PRKG1: variants seen among roughly 807,000 people sequenced by gnomAD.
PRKG1 encodes cGMP-dependent protein kinase 1.
PRKG1 carries 35 observed loss-of-function variants against 88.1 expected under a neutral mutation model. That is an observed-to-expected ratio of 0.40 (90% CI 0.30 to 0.53). The LOEUF (loss-of-function observed/expected upper bound fraction) is 0.53, where lower values mean the gene tolerates loss of function less well. PRKG1 is among the 20% of genes least tolerant of loss of function. PRKG1 has a pLI of 0.59. For synonymous variants in PRKG1, 303 were observed against 292.5 expected, an observed-to-expected ratio of 1.04 and a Z score of -0.37; for missense variants, 540 against 839.8, an observed-to-expected ratio of 0.64 and a Z score of 4.41.
chr10:51,038,316 T>C (rs1335988195), intron 1 of PRKG1, among the ~76,000 whole-genome samples: 1 of 152,252 alleles, frequency 6.6e-6, no homozygotes, highest in Non-Finnish European at 1.5e-5. Flanking sequence ...ATCCTTTATT[T>C]GTGTTACAAA....
At chr10:51,666,325 T>A (rs1283737744) in intron 3 of PRKG1, among the ~76,000 whole-genome samples, 1 of 152,198 alleles carries the variant, frequency 6.6e-6, no homozygotes, top group Non-Finnish European at 1.5e-5. Flanking sequence ...CCTTGATGGT[T>A]TTTGACACAT....
intron 4 of PRKG1, among the ~76,000 whole-genome samples, chr10:51,838,858 T>C (rs1840195977): frequency 6.6e-6 from 1 of 152,178 alleles, no homozygotes; most frequent in Admixed American, 6.5e-5. Context: ...GCAAATAAAT[T>C]TGTTAAGTGC....
At chr10:52,102,163 TGCC>T (rs1847308296) in intron 7 of PRKG1, among the ~76,000 whole-genome samples, 1 of 152,156 alleles carries the variant, frequency 6.6e-6, no homozygotes, top group Non-Finnish European at 1.5e-5. Context: ...AATAAACAAC[TGCC>T]TTTTTACAGT....
intron 3 of PRKG1, among the ~76,000 whole-genome samples, chr10:51,739,885 A>G (rs1323859291): frequency 6.6e-6 from 1 of 152,176 alleles, no homozygotes; most frequent in Non-Finnish European, 1.5e-5. Context: ...AGGTGGAAGG[A>G]TCACTTTATA....
At chr10:51,873,822 C>T (rs184707148) in intron 4 of PRKG1, among the ~76,000 whole-genome samples, 5 of 152,290 alleles carry the variant, frequency 3.3e-5, no homozygotes, top group Admixed American at 3.3e-4. Flanking sequence ...AGCCACCATG[C>T]CCGGCCAAGA....
Position 52,062,367 on chromosome 10 carries a change from T to C in PRKG1, c.841-170T>C, listed in dbSNP as rs188663701. 3.9e-4 allele frequency among the ~76,000 whole-genome samples: 59 copies of C among 152,330 alleles called. 1 individual carries two copies. The East Asian group carries it at 0.011, about 27-fold the overall frequency. On this transcript the variant is annotated intron_variant, in intron 6 of 17. Coordinates refer to ENST00000373980, the MANE Select transcript of PRKG1 (RefSeq NM_006258.4). ...ATTTGGAGGTAAGCTCTTGTGGTTT[T>C]CCTGGGAATTTGTGATGTTGTTCTT...
intron 3 of PRKG1, among the ~76,000 whole-genome samples, chr10:51,742,179 A>T (rs1362234540): frequency 2.0e-5 from 3 of 152,216 alleles, no homozygotes; most frequent in Non-Finnish European, 4.4e-5. Flanking sequence ...GTTAACTGGA[A>T]CTCAGAAGGT....
intron 3 of PRKG1, among the ~76,000 whole-genome samples, chr10:51,505,230 CA>C (rs1314088976): frequency 6.6e-6 from 1 of 152,112 alleles, no homozygotes; most frequent in Admixed American, 6.6e-5. Context: ...TTGAGATAAT[CA>C]TGTGGTTTTG....
intron 3 of PRKG1, among the ~76,000 whole-genome samples, chr10:51,736,669 C>T (rs531218714): frequency 6.7e-5 from 10 of 149,366 alleles, no homozygotes; most frequent in South Asian, 2.1e-4. Flanking sequence ...AGTGCAGTGG[C>T]GCCTTCATAG....
intron 7 of PRKG1, among the ~76,000 whole-genome samples, chr10:52,130,097 G>A (rs1430758695): frequency 4.6e-5 from 7 of 152,090 alleles, no homozygotes; most frequent in Admixed American, 6.6e-5. Flanking sequence ...TGTTGTTCCC[G>A]ACATGTACTA....
chr10:51,421,490 T>C (rs563051078), intron 2 of PRKG1, among the ~76,000 whole-genome samples: 1 of 152,236 alleles, frequency 6.6e-6, no homozygotes, highest in South Asian at 2.1e-4. Context: ...CGATACCTTT[T>C]AGATAGGTCA....
chr10:51,372,279 T>C (rs2132610636), intron 2 of PRKG1, among the ~76,000 whole-genome samples: 1 of 152,352 alleles, frequency 6.6e-6, no homozygotes, highest in Non-Finnish European at 1.5e-5. Context: ...CATTTTTGTG[T>C]GTATTGAGCT....
At chr10:51,432,079 A>T (rs547842957) in intron 2 of PRKG1, among the ~76,000 whole-genome samples, 1 of 152,324 alleles carries the variant, frequency 6.6e-6, no homozygotes, top group African/African-American at 2.4e-5. Context: ...TGTACCACAT[A>T]TCCTTGAATA....
chr10:51,421,561 A>G (rs1838417312), intron 2 of PRKG1, among the ~76,000 whole-genome samples: 1 of 151,990 alleles, frequency 6.6e-6, no homozygotes, highest in Non-Finnish European at 1.5e-5. Flanking sequence ...GTTTTTCTTC[A>G]TGGCAACTTT....
chr10:51,160,613 A>G (rs924620314), intron 2 of PRKG1, among the ~76,000 whole-genome samples: 3 of 152,262 alleles, frequency 2.0e-5, no homozygotes, highest in Middle Eastern at 6.8e-3. Flanking sequence ...AAACATTTAA[A>G]TTTTACCTAT....
At chr10:51,129,254 T>A (rs1187137144) in intron 1 of PRKG1, among the ~76,000 whole-genome samples, 1 of 151,888 alleles carries the variant, frequency 6.6e-6, no homozygotes, top group African/African-American at 2.4e-5. Context: ...GGCAGATGGA[T>A]CACATGCGGT....
chr10:51,810,518 C>T (rs1038972613), intron 4 of PRKG1, among the ~76,000 whole-genome samples: 2 of 152,146 alleles, frequency 1.3e-5, no homozygotes, highest in African/African-American at 4.8e-5. Flanking sequence ...TTCTAAAAAT[C>T]CTGCCAGATT....
At chr10:51,128,793 T>G (rs367788591) in intron 1 of PRKG1, among the ~76,000 whole-genome samples, 2 of 152,228 alleles carry the variant, frequency 1.3e-5, no homozygotes, top group East Asian at 1.9e-4. Context: ...GTAAGAAACA[T>G]ACACAGATGC....
intron 2 of PRKG1, among the ~76,000 whole-genome samples, chr10:51,363,227 A>G (rs1218484213): frequency 6.6e-6 from 1 of 151,878 alleles, no homozygotes; most frequent in Non-Finnish European, 1.5e-5. Flanking sequence ...AAAAAAAAAA[A>G]AAAATTCTCG....
Sources: gnomAD v4.1 joint callset for allele counts (sites outside exome capture counted in the v4.1 genomes callset) on GRCh38, gnomAD v4.1.1 for gene constraint, MANE v1.5 for transcripts, NCBI Gene and HGNC (gene_info 2026-07-23, HGNC 2026-07-21) for gene names.